The following TRIT1 variants were observed in gnomAD, a reference collection of about 807,000 sequenced individuals.
TRIT1 encodes tRNA isopentenyltransferase 1, also known as tRNA dimethylallyltransferase.
TRIT1 carries 43 observed loss-of-function variants against 51.2 expected under a neutral mutation model. That is an observed-to-expected ratio of 0.84 (90% CI 0.66 to 1.08). The LOEUF is 1.08. Among genes scored for constraint, TRIT1 ranks in the 50% least tolerant of loss-of-function variants. The pLI is 0.00. For synonymous variants in TRIT1, 184 were observed against 203.9 expected (o/e 0.90, Z 0.83); for missense variants, 528 against 578.4 (o/e 0.91, Z 0.89).
chr1:39,862,357 A>G (rs1234806582), intron 1 of TRIT1, among the ~76,000 whole-genome samples: 2 of 152,100 alleles, frequency 1.3e-5, no homozygotes, highest in Admixed American at 6.6e-5. Flanking sequence ...TTTAGGCACA[A>G]TAAGAAACTA....
chr1:39,844,549 G>A lies in TRIT1; in HGVS notation c.1098C>T (p.Ile366=), dbSNP rs16826617. The change falls in exon 9 of 11, where the codon ATC becomes ATT. Residue 366 remains isoleucine (I), a synonymous_variant. Coordinates refer to ENST00000316891, the MANE Select transcript of TRIT1 (RefSeq NM_017646.6). ...TAATTACCTGGATGAAACTTTGCAC[G>A]ATTTCAAGAGCAGGTTCAAGAACAG... ...EESVLEPALE[I]VQSFIQGHKP... The A allele has an allele frequency of 0.02, 32,767 of 1,613,458 alleles. 584 individuals are homozygous for A. Among genetic ancestry groups the A allele is most frequent in the East Asian group, 0.097 (4,368 of 44,878 alleles).
intron 1 of TRIT1, among the ~76,000 whole-genome samples, chr1:39,866,712 C>T (rs537967904): frequency 6.6e-6 from 1 of 152,230 alleles, no homozygotes; most frequent in South Asian, 2.1e-4. Context: ...TGGCTCACAC[C>T]TGTAATCCCA....
At chr1:39,861,710 G>T (rs1371306341) in intron 1 of TRIT1, among the ~76,000 whole-genome samples, 38 of 152,048 alleles carry the variant, frequency 2.5e-4, no homozygotes, top group Admixed American at 2.5e-3. Flanking sequence ...GATCACCTGA[G>T]GTCAGGAGTT....
Position 39,839,229 on chromosome 1 carries a change from T to C in TRIT1, c.*2515A>G, listed in dbSNP as rs1652481249. ...TTGCCTTGGGATTGCTATGGCCAGA[T>C]GGTACAAAATGGCATTCCTCATTCT... On this transcript the variant is annotated 3_prime_UTR_variant, in exon 11 of 11. Transcript: ENST00000316891. Among the ~76,000 whole-genome samples the C allele has an allele frequency of 6.6e-6, 1 of 152,188 alleles. No individual in the cohort carries two copies. Among genetic ancestry groups the C allele is most frequent in the South Asian group, 2.1e-4 (1 of 4,830 alleles).
At chr1:39,850,889 G>C (rs1642522343) in intron 4 of TRIT1, among the ~76,000 whole-genome samples, 1 of 152,156 alleles carries the variant, frequency 6.6e-6, no homozygotes, top group Admixed American at 6.5e-5. Context: ...GAATGCTCCT[G>C]GCTAATCCAG....
intron 1 of TRIT1, among the ~76,000 whole-genome samples, chr1:39,867,718 G>A (rs1036742418): frequency 6.6e-6 from 1 of 152,132 alleles, no homozygotes; most frequent in African/African-American, 2.4e-5. Context: ...TTATATTCGA[G>A]AATACTCAGG....
At chr1:39,876,269 T>C (rs1455646407) in intron 1 of TRIT1, 1 of 152,312 alleles carries the variant, frequency 6.6e-6, no homozygotes, top group Non-Finnish European at 1.5e-5. Flanking sequence ...CCTCAGGCAC[T>C]GAAACATCAG....
intron 1 of TRIT1, among the ~76,000 whole-genome samples, chr1:39,859,298 G>GAAAAAAAAA (rs1643099762): frequency 1.6e-4 from 12 of 76,158 alleles, no homozygotes; most frequent in South Asian, 5.1e-4. Flanking sequence ...AAAAAAAAAC[G>GAAAAAAAAA]AAAGAGGCCA....
rs749792896 is a variant in TRIT1 at position 39,857,320 on chromosome 1, G to T, written c.272C>A (p.Thr91Asn). The part of the protein sequence containing the change: ...HMISFVDPLV[T>N]NYTVVDFRNR... ...TCTGAAGTCCACCACTGTGTAATTG[G>T]TCACAAGAGGATCCACAAAGCTGAT... is the stretch of plus-strand genomic sequence containing the variant. The change falls in exon 2 of 11, where the codon ACC (threonine) becomes AAC (asparagine). Residue 91 changes from threonine to asparagine, a missense_variant. Physicochemically the swap from Thr to Asn is moderately conservative, Grantham distance 65 (BLOSUM62 0). Transcript: ENST00000316891. 4 of 1,613,848 alleles carry T rather than the reference G, an allele frequency of 2.5e-6. No homozygotes were observed. In the South Asian group the frequency reaches 3.3e-5, roughly 13 times the overall value.
chr1:39,845,943 T>C (rs1225542993), intron 8 of TRIT1, among the ~76,000 whole-genome samples: 1 of 152,216 alleles, frequency 6.6e-6, no homozygotes, highest in Admixed American at 6.5e-5. Context: ...CAACTCCTCC[T>C]ACCACAGAGA....
intron 1 of TRIT1, 35 bp downstream of exon 1, chr1:39,883,283 G>T: frequency 6.3e-7 from 1 of 1,579,440 alleles, no homozygotes; most frequent in African/African-American, 1.3e-5. Flanking sequence ...GGCCTCCGGG[G>T]TCCCCAGGCG....
chr1:39,848,812 G>A (rs971612040), intron 5 of TRIT1, among the ~76,000 whole-genome samples: 1 of 151,028 alleles, frequency 6.6e-6, no homozygotes, highest in Non-Finnish European at 1.5e-5. Flanking sequence ...AACAGGGCGA[G>A]ACTCTGTCTC....
intron 1 of TRIT1, among the ~76,000 whole-genome samples, chr1:39,882,916 G>C (rs72939651): frequency 0.088 from 13,348 of 152,132 alleles, 866 homozygotes; most frequent in African/African-American, 0.18. Context: ...CGCTGGGTTA[G>C]GGTTAGAGTT....
chr1:39,861,333 T>A (rs188849173), intron 1 of TRIT1, among the ~76,000 whole-genome samples: 1 of 151,942 alleles, frequency 6.6e-6, no homozygotes, highest in Non-Finnish European at 1.5e-5. Flanking sequence ...CTAGGCAACA[T>A]AACGAGACCC....
chr1:39,883,280 G>A (rs1031406058), intron 1 of TRIT1, 38 bp downstream of exon 1: 2 of 1,577,136 alleles, frequency 1.3e-6, no homozygotes, highest in Non-Finnish European at 1.7e-6. Context: ...CGCGGCCTCC[G>A]GGGTCCCCAG....
chr1:39,871,065 T>G lies in TRIT1; in HGVS notation c.174+12253A>C, dbSNP rs568947422. On this transcript the variant is annotated intron_variant, in intron 1 of 10. Transcript: ENST00000316891. ...AAAATTAGCTGGGCGTGGTCGCACA[T>G]GCCTGTAATCTCAGCTATTCGGGAG... is the stretch of plus-strand genomic sequence containing the variant. 9.0e-4 allele frequency among the ~76,000 whole-genome samples: 137 copies of G among 152,204 alleles called. 1 individual carries two copies. The highest frequency in any genetic ancestry group is 3.2e-3 in the African/African-American group (131 of 41,532).
intron 1 of TRIT1, among the ~76,000 whole-genome samples, chr1:39,868,598 C>T (rs948714012): frequency 1.3e-5 from 2 of 148,632 alleles, no homozygotes; most frequent in African/African-American, 2.5e-5. Context: ...GAGCCAAGAT[C>T]GCGCCATTGC....
At chr1:39,880,085 C>T (rs1644204448) in intron 1 of TRIT1, among the ~76,000 whole-genome samples, 1 of 150,894 alleles carries the variant, frequency 6.6e-6, no homozygotes, top group Non-Finnish European at 1.5e-5. Flanking sequence ...TGAGGCAGGA[C>T]AATCACTGGA....
intron 1 of TRIT1, among the ~76,000 whole-genome samples, chr1:39,867,759 G>C (rs1481977983): frequency 6.6e-6 from 1 of 152,166 alleles, no homozygotes; most frequent in Non-Finnish European, 1.5e-5. Context: ...GCTGGAAGCA[G>C]AGACAGGACT....
Sources: allele counts gnomAD v4.1 joint callset (sites outside exome capture counted in the v4.1 genomes callset), GRCh38; gene constraint gnomAD v4.1.1; transcripts MANE v1.5; gene names NCBI Gene and HGNC (gene_info 2026-07-23, HGNC 2026-07-21).